Variants in RASGRP3 observed in about 807,000 individuals in gnomAD.
The protein encoded by RASGRP3 is ras guanyl-releasing protein 3.
In RASGRP3, 54 loss-of-function variants were observed where a neutral mutation model predicts 82.7. The observed-to-expected ratio is 0.65, with a 90% CI of 0.52 to 0.82. The LOEUF is 0.82. Ranked by LOEUF, RASGRP3 falls within the 40% of genes least tolerant of loss-of-function variation. The pLI, the probability that RASGRP3 is intolerant of heterozygous loss-of-function variation, is 0.00. For synonymous variants in RASGRP3, 309 were observed against 300.5 expected (o/e 1.03, Z -0.29); for missense variants, 861 against 828.9 (o/e 1.04, Z -0.48).
intron 1 of RASGRP3, 89 bp downstream of exon 1, chr2:33,476,796 T>TGTGTGTGTGTGTGTGTGTGTGTGTG (rs1198972496): frequency 2.0e-5 from 3 of 151,322 alleles, no homozygotes; most frequent in African/African-American, 7.4e-5. Context: ...TGTGTGTGTG[T>TGTGTGTGTGTGTGTGTGTGTGTGTG]TGCAAGCCAC....
intron 10 of RASGRP3, chr2:33,530,963 C>A (rs1574437277): frequency 6.6e-6 from 1 of 152,154 alleles, no homozygotes; most frequent in African/African-American, 2.4e-5. Flanking sequence ...TAGTTTGAAT[C>A]TTTTCATGGT....
At position 33,562,839 on chromosome 2, in the gene RASGRP3, A is replaced by G; in HGVS notation, c.*102A>G. 6.9e-7 allele frequency: 1 copy of G among 1,458,064 alleles called. No individual in the cohort carries two copies. The highest frequency in any genetic ancestry group is 9.5e-7 in the Non-Finnish European group (1 of 1,047,492). The allele number at this position is 1,458,064 out of a possible 1,614,324, so 90.3% of individuals were successfully genotyped here. On this transcript the variant is annotated 3_prime_UTR_variant, in exon 18 of 18. Transcript: ENST00000403687. ...GACTCTCAGGAAGTTATCTGGAAAG[A>G]TACCTGGATGTTTACTGCCTTGGGA...
chr2:33,560,861 TA>T (rs1676571256), intron 17 of RASGRP3, among the ~76,000 whole-genome samples: 1 of 152,238 alleles, frequency 6.6e-6, no homozygotes, highest in Non-Finnish European at 1.5e-5. Context: ...TCAAGTTACT[TA>T]AAAACTGTGC....
At chr2:33,515,940 G>A (rs1269815679) in intron 3 of RASGRP3, among the ~76,000 whole-genome samples, 1 of 152,186 alleles carries the variant, frequency 6.6e-6, no homozygotes, top group Admixed American at 6.5e-5. Flanking sequence ...GTGTTAGTAT[G>A]ACCTAAATAA....
At chr2:33,488,002 AT>A (rs1668539108) in intron 1 of RASGRP3, among the ~76,000 whole-genome samples, 1 of 152,234 alleles carries the variant, frequency 6.6e-6, no homozygotes, top group East Asian at 1.9e-4. Context: ...TTATTGCAGA[AT>A]TTATATTTCA....
intron 2 of RASGRP3, among the ~76,000 whole-genome samples, chr2:33,514,563 T>C (rs1671263259): frequency 6.7e-6 from 1 of 148,744 alleles, no homozygotes; most frequent in Non-Finnish European, 1.5e-5. Flanking sequence ...TGTGTGTCTG[T>C]AGTCCCAGCT....
At chr2:33,517,235 A>G (rs1439467025) in intron 4 of RASGRP3, among the ~76,000 whole-genome samples, 1 of 152,264 alleles carries the variant, frequency 6.6e-6, no homozygotes, top group African/African-American at 2.4e-5. Context: ...GGCTTTTAGC[A>G]GTCTACCAGT....
At chr2:33,480,661 A>G (rs934096219) in intron 1 of RASGRP3, among the ~76,000 whole-genome samples, 1 of 152,144 alleles carries the variant, frequency 6.6e-6, no homozygotes, top group South Asian at 2.1e-4. Context: ...TACAATGCCT[A>G]TTTTGTTTCT....
At chr2:33,537,149 A>G (rs997788422) in intron 11 of RASGRP3, among the ~76,000 whole-genome samples, 1 of 151,754 alleles carries the variant, frequency 6.6e-6, no homozygotes, top group African/African-American at 2.4e-5. Flanking sequence ...TGGAGTGGGA[A>G]GATAATTGTA....
intron 1 of RASGRP3, among the ~76,000 whole-genome samples, chr2:33,491,592 T>C (rs1474074117): frequency 1.3e-5 from 2 of 152,222 alleles, no homozygotes; most frequent in African/African-American, 4.8e-5. Context: ...CACAAGATGG[T>C]GTAGAGATTG....
intron 7 of RASGRP3, 74 bp from the exon 8 acceptor site, chr2:33,523,805 C>G: frequency 7.4e-7 from 1 of 1,342,684 alleles, no homozygotes; most frequent in Non-Finnish European, 1.0e-6. Flanking sequence ...CTCACCTTTT[C>G]TATGCAATAT....
chr2:33,538,070 T>A (rs1673829281), intron 11 of RASGRP3, among the ~76,000 whole-genome samples: 1 of 152,218 alleles, frequency 6.6e-6, no homozygotes, highest in Non-Finnish European at 1.5e-5. Flanking sequence ...ATTAGAGAAT[T>A]AGATAACTGG....
chr2:33,441,066 A>G (rs1260111430), intron 1 of RASGRP3, among the ~76,000 whole-genome samples: 2 of 151,850 alleles, frequency 1.3e-5, no homozygotes, highest in Non-Finnish European at 2.9e-5. Flanking sequence ...TAATTTTTGT[A>G]TTTTTTAGTA....
At chr2:33,440,973 G>C (rs942598170) in intron 1 of RASGRP3, among the ~76,000 whole-genome samples, 1 of 152,040 alleles carries the variant, frequency 6.6e-6, no homozygotes, top group African/African-American at 2.4e-5. Flanking sequence ...GCTTGCTGCA[G>C]CCTCCACCTC....
At chr2:33,513,092 C>G (rs1407304751) in intron 2 of RASGRP3, among the ~76,000 whole-genome samples, 5 of 152,182 alleles carry the variant, frequency 3.3e-5, no homozygotes. Flanking sequence ...TTCCAGATGA[C>G]TTTAATAATC....
At chr2:33,491,696 T>C (rs886760137) in intron 1 of RASGRP3, among the ~76,000 whole-genome samples, 15 of 152,222 alleles carry the variant, frequency 9.9e-5, no homozygotes, top group African/African-American at 3.1e-4. Context: ...TCAGTCCTCA[T>C]TGTTATAAGT....
chr2:33,501,330 T>C (rs1483325846), intron 1 of RASGRP3, among the ~76,000 whole-genome samples: 1 of 152,238 alleles, frequency 6.6e-6, no homozygotes, highest in South Asian at 2.1e-4. Context: ...TGTCGATTGA[T>C]AGACATTTGG....
chr2:33,456,474 C>A (rs544829880), intron 2 of RASGRP3, among the ~76,000 whole-genome samples: 87 of 152,230 alleles, frequency 5.7e-4, no homozygotes, highest in African/African-American at 1.9e-3. Context: ...CTTTAAAATA[C>A]ATACTTGATT....
chr2:33,562,353 G>C (rs949687753), intron 17 of RASGRP3, among the ~76,000 whole-genome samples: 1 of 148,624 alleles, frequency 6.7e-6, no homozygotes, highest in African/African-American at 2.5e-5. Context: ...CCACAGCCTC[G>C]AACTCCTGGG....
Sources: gnomAD v4.1 joint callset for allele counts (sites outside exome capture counted in the v4.1 genomes callset) on GRCh38, gnomAD v4.1.1 for gene constraint, MANE v1.5 for transcripts, NCBI Gene and HGNC (gene_info 2026-07-23, HGNC 2026-07-21) for gene names.